Variants in LINGO2 observed in about 807,000 individuals in gnomAD.
The protein encoded by LINGO2 is leucine rich repeat and Ig domain containing 2.
In LINGO2, 14 loss-of-function variants were observed where a neutral mutation model predicts 30.6. The observed-to-expected ratio is 0.46, with a 90% CI of 0.30 to 0.72. LINGO2 has a LOEUF of 0.72. LINGO2 is among the 30% of genes least tolerant of loss of function. LINGO2 has a pLI of 0.07. For synonymous variants in LINGO2, 317 were observed against 288.5 expected (o/e 1.10, Z -1.00); for missense variants, 729 against 751.7 (o/e 0.97, Z 0.35).
At chr9:28,318,047 G>C (rs867519861) in intron 3 of LINGO2, among the ~76,000 whole-genome samples, 34 of 152,302 alleles carry the variant, frequency 2.2e-4, no homozygotes, top group African/African-American at 7.9e-4. Context: ...AAGCAACTGA[G>C]TTGAAACAGG....
the LINGO2 span, among the ~76,000 whole-genome samples, chr9:29,129,190 T>C: frequency 5.9e-5 from 9 of 152,242 alleles, no homozygotes; most frequent in Non-Finnish European, 1.2e-4. Flanking sequence ...AAAATACCTA[T>C]GTATTTACTT....
chr9:28,723,108 G>A, the LINGO2 span, among the ~76,000 whole-genome samples: 2,739 of 152,172 alleles, frequency 0.018, 44 homozygotes, highest in South Asian at 0.038. Flanking sequence ...CATTGTATCA[G>A]ATCAAGATCA....
exon 6 of LINGO2, chr9:27,950,668 G>A (rs758573507): frequency 1.3e-6 from 2 of 1,506,976 alleles, no homozygotes; most frequent in Admixed American, 4.6e-5. Flanking sequence ...GCCGTGTGAA[G>A]CATGACTCCA....
At chr9:29,135,711 A>G in the LINGO2 span, among the ~76,000 whole-genome samples, 37,118 of 152,112 alleles carry the variant, frequency 0.24, 4,722 homozygotes, top group East Asian at 0.44. Context: ...CAATAGAGTT[A>G]TGCAACCAAC....
At chr9:29,081,559 A>G in the LINGO2 span, among the ~76,000 whole-genome samples, 1 of 152,132 alleles carries the variant, frequency 6.6e-6, no homozygotes, top group African/African-American at 2.4e-5. Flanking sequence ...CCTATTCAAC[A>G]TAGTGTTGGA....
At chr9:29,067,412 T>C in the LINGO2 span, among the ~76,000 whole-genome samples, 2 of 151,792 alleles carry the variant, frequency 1.3e-5, no homozygotes, top group East Asian at 3.9e-4. Flanking sequence ...AACTATCCTA[T>C]TAACCTATTA....
chr9:28,482,420 T>G (rs1283392041), intron 1 of LINGO2, among the ~76,000 whole-genome samples: 3 of 152,190 alleles, frequency 2.0e-5, no homozygotes, highest in Admixed American at 6.5e-5. Context: ...CATAAATGTC[T>G]TCTTCTGAGA....
the LINGO2 span, among the ~76,000 whole-genome samples, chr9:29,188,237 C>T: frequency 6.6e-6 from 1 of 151,696 alleles, no homozygotes; most frequent in Non-Finnish European, 1.5e-5. Flanking sequence ...AGCATGCTGC[C>T]TTCAAGCATC....
intron 3 of LINGO2, among the ~76,000 whole-genome samples, chr9:28,319,731 A>G (rs1421045694): frequency 6.6e-6 from 1 of 152,186 alleles, no homozygotes; most frequent in East Asian, 1.9e-4. Context: ...CTGATTACAC[A>G]GGAGCTTGAG....
At chr9:29,160,352 A>AT in the LINGO2 span, among the ~76,000 whole-genome samples, 1 of 152,234 alleles carries the variant, frequency 6.6e-6, no homozygotes, top group Non-Finnish European at 1.5e-5. Context: ...TCCACCATTT[A>AT]CTAGCTGTGG....
At chr9:29,154,541 C>G in the LINGO2 span, among the ~76,000 whole-genome samples, 43 of 151,574 alleles carry the variant, frequency 2.8e-4, no homozygotes, top group African/African-American at 9.9e-4. Context: ...AAAGGGGAAG[C>G]GCTATACTAA....
the LINGO2 span, among the ~76,000 whole-genome samples, chr9:28,854,195 A>T: frequency 6.6e-6 from 1 of 151,980 alleles, no homozygotes; most frequent in East Asian, 1.9e-4. Flanking sequence ...AATGCCAATA[A>T]TGCCATGGCG....
chr9:28,973,258 G>T, the LINGO2 span, among the ~76,000 whole-genome samples: 1 of 151,938 alleles, frequency 6.6e-6, no homozygotes, highest in Non-Finnish European at 1.5e-5. Context: ...CAAAGATCAA[G>T]GATAAAGAAA....
At chr9:28,212,230 T>A (rs764895865) in intron 4 of LINGO2, among the ~76,000 whole-genome samples, 11 of 151,550 alleles carry the variant, frequency 7.3e-5, no homozygotes, top group Non-Finnish European at 1.3e-4. Context: ...AGGATTGTTA[T>A]TAAACTCACT....
intron 1 of LINGO2, among the ~76,000 whole-genome samples, chr9:28,529,456 T>G (rs1821148360): frequency 6.6e-6 from 1 of 152,084 alleles, no homozygotes; most frequent in African/African-American, 2.4e-5. Flanking sequence ...CTTAATATAT[T>G]CCTAGTTATC....
At chr9:28,719,757 T>G in the LINGO2 span, among the ~76,000 whole-genome samples, 1 of 152,078 alleles carries the variant, frequency 6.6e-6, no homozygotes, top group African/African-American at 2.4e-5. Flanking sequence ...TCCTCTAAGA[T>G]GCAGGTCCAT....
intron 4 of LINGO2, among the ~76,000 whole-genome samples, chr9:28,122,903 T>C (rs1587031928): frequency 1.3e-5 from 2 of 152,262 alleles, no homozygotes; most frequent in East Asian, 3.8e-4. Flanking sequence ...TGCCTACTGC[T>C]GACTGATTTA....
intron 1 of LINGO2, among the ~76,000 whole-genome samples, chr9:28,621,418 G>A (rs946668185): frequency 1.3e-5 from 2 of 151,632 alleles, no homozygotes; most frequent in African/African-American, 4.8e-5. Context: ...CAGCTCCACA[G>A]AACTTTTTCT....
intron 4 of LINGO2, among the ~76,000 whole-genome samples, chr9:28,265,912 T>C (rs1417628282): frequency 6.6e-6 from 1 of 151,958 alleles, no homozygotes; most frequent in South Asian, 2.1e-4. Flanking sequence ...ACATGCCTGC[T>C]CCTTATACCC....
Sources: allele counts gnomAD v4.1 joint callset (sites outside exome capture counted in the v4.1 genomes callset), GRCh38; gene constraint gnomAD v4.1.1; transcripts MANE v1.5; gene names NCBI Gene and HGNC (gene_info 2026-07-23, HGNC 2026-07-21).